Variants in ALCAM observed in about 807,000 individuals in gnomAD.
The protein encoded by ALCAM is CD166 antigen.
Under a neutral mutation model 70.9 loss-of-function variants are expected in ALCAM, and 30 were observed. That is an observed-to-expected ratio of 0.42 (90% confidence interval 0.32 to 0.57). The LOEUF is 0.57. ALCAM is among the 20% of genes least tolerant of loss of function. ALCAM has a pLI of 0.11. For synonymous variants in ALCAM, 249 were observed against 242.5 expected (o/e 1.03, Z -0.25); for missense variants, 591 against 695.1 (o/e 0.85, Z 1.68).
chr3:105,522,944 C>G (rs1261021890), intron 2 of ALCAM, among the ~76,000 whole-genome samples: 11 of 151,938 alleles, frequency 7.2e-5, no homozygotes, highest in Admixed American at 7.2e-4. Flanking sequence ...TCGAGACTAT[C>G]CTGGCTAACA....
intron 1 of ALCAM, among the ~76,000 whole-genome samples, chr3:105,482,128 T>C (rs1938289076): frequency 6.6e-6 from 1 of 152,152 alleles, no homozygotes; most frequent in Non-Finnish European, 1.5e-5. Context: ...TATTTTATGT[T>C]TTTTGAGACA....
At chr3:105,508,691 C>T (rs776776191) in intron 1 of ALCAM, among the ~76,000 whole-genome samples, 1 of 152,120 alleles carries the variant, frequency 6.6e-6, no homozygotes, top group Non-Finnish European at 1.5e-5. Flanking sequence ...AGCAAATCAA[C>T]ATATCACTCT....
chr3:105,445,494 T>C (rs1407044325), intron 1 of ALCAM, among the ~76,000 whole-genome samples: 1 of 152,096 alleles, frequency 6.6e-6, no homozygotes, highest in African/African-American at 2.4e-5. Flanking sequence ...AAAATTCATA[T>C]GGAACCACAA....
intron 1 of ALCAM, among the ~76,000 whole-genome samples, chr3:105,492,415 G>C (rs1009162994): frequency 2.0e-4 from 30 of 152,150 alleles, no homozygotes; most frequent in African/African-American, 6.5e-4. Context: ...CAGATTTTTG[G>C]TCAGATACTA....
chr3:105,524,179 C>CA (rs1939629940), intron 2 of ALCAM, 110 bp from the exon 3 acceptor site: 23 of 927,290 alleles, frequency 2.5e-5, no homozygotes, highest in Middle Eastern at 3.0e-4. Flanking sequence ...TCTTCGTAGA[C>CA]AAAAAATATA....
chr3:105,548,599 A>G (rs1242704086), intron 11 of ALCAM, among the ~76,000 whole-genome samples: 1 of 151,392 alleles, frequency 6.6e-6, no homozygotes, highest in Non-Finnish European at 1.5e-5. Flanking sequence ...ACTATAGGTG[A>G]TGCATATATA....
intron 1 of ALCAM, among the ~76,000 whole-genome samples, chr3:105,374,992 G>C (rs983444715): frequency 1.3e-5 from 2 of 152,190 alleles, no homozygotes; most frequent in African/African-American, 4.8e-5. Context: ...GCAGCCAAAA[G>C]AAGCTTCTAA....
chr3:105,468,128 C>T (rs538702487), intron 1 of ALCAM, among the ~76,000 whole-genome samples: 35 of 151,376 alleles, frequency 2.3e-4, no homozygotes, highest in Admixed American at 6.6e-4. Context: ...AATAGGGGAG[C>T]GTCTGATTCA....
At chr3:105,380,548 T>A (rs1352578541) in intron 1 of ALCAM, among the ~76,000 whole-genome samples, 1 of 151,886 alleles carries the variant, frequency 6.6e-6, no homozygotes, top group African/African-American at 2.4e-5. Context: ...AAGAAGAATA[T>A]GCACGCGCAC....
At chr3:105,385,885 A>G (rs895988430) in intron 1 of ALCAM, among the ~76,000 whole-genome samples, 19 of 151,628 alleles carry the variant, frequency 1.3e-4, no homozygotes, top group African/African-American at 4.1e-4. Flanking sequence ...TTGGCTTTCA[A>G]CAGAGTGCAT....
At chr3:105,453,983 G>C (rs909154940) in intron 1 of ALCAM, among the ~76,000 whole-genome samples, 18 of 152,168 alleles carry the variant, frequency 1.2e-4, no homozygotes, top group African/African-American at 4.3e-4. Context: ...AATTCTATAT[G>C]TTTATTATTT....
chr3:105,479,860 G>T (rs1938221728), intron 1 of ALCAM, among the ~76,000 whole-genome samples: 1 of 152,024 alleles, frequency 6.6e-6, no homozygotes, highest in Admixed American at 6.6e-5. Flanking sequence ...GTTTATGTCT[G>T]CAAAGCTTTG....
intron 1 of ALCAM, among the ~76,000 whole-genome samples, chr3:105,466,654 G>T (rs1937747169): frequency 1.3e-5 from 2 of 151,356 alleles, no homozygotes; most frequent in African/African-American, 2.4e-5. Flanking sequence ...GAGACATGCA[G>T]AATTAAAAGG....
intron 1 of ALCAM, among the ~76,000 whole-genome samples, chr3:105,499,761 C>T (rs1160799449): frequency 6.6e-6 from 1 of 152,150 alleles, no homozygotes; most frequent in Non-Finnish European, 1.5e-5. Flanking sequence ...TCTCATGGTA[C>T]TCTGCTGGAA....
At chr3:105,524,176 A>T in intron 2 of ALCAM, 113 bp from the exon 3 acceptor site, 1 of 900,536 alleles carries the variant, frequency 1.1e-6, no homozygotes, top group Non-Finnish European at 1.6e-6. Flanking sequence ...TATTCTTCGT[A>T]GACAAAAAAT....
chr3:105,430,158 CAG>C (rs1936893195), intron 1 of ALCAM, among the ~76,000 whole-genome samples: 1 of 151,856 alleles, frequency 6.6e-6, no homozygotes, highest in Admixed American at 6.6e-5. Flanking sequence ...AAAACTAGTA[CAG>C]AGTTTCCTTA....
At chr3:105,539,859 A>G (rs1350404364) in intron 6 of ALCAM, 116 bp from the exon 7 acceptor site, 3 of 1,057,166 alleles carry the variant, frequency 2.8e-6, no homozygotes, top group Non-Finnish European at 4.0e-6. Flanking sequence ...ATATTTAAGC[A>G]ATTACCATTA....
intron 1 of ALCAM, among the ~76,000 whole-genome samples, chr3:105,390,031 G>A (rs189343473): frequency 6.6e-6 from 1 of 151,856 alleles, no homozygotes; most frequent in Non-Finnish European, 1.5e-5. Flanking sequence ...ACTGTGAATA[G>A]TGCTGCAATG....
intron 1 of ALCAM, among the ~76,000 whole-genome samples, chr3:105,420,871 T>C (rs1366123208): frequency 1.3e-5 from 2 of 151,494 alleles, no homozygotes. Flanking sequence ...GTATATTTAC[T>C]GAAGAGAGGA....
Sources: allele counts gnomAD v4.1 joint callset (sites outside exome capture counted in the v4.1 genomes callset), GRCh38; gene constraint gnomAD v4.1.1; transcripts MANE v1.5; gene names NCBI Gene and HGNC (gene_info 2026-07-23, HGNC 2026-07-21).